ZNF718: variants seen among roughly 807,000 people sequenced by gnomAD.
The protein encoded by ZNF718 is zinc finger protein 718.
Under a neutral mutation model 2.6 loss-of-function variants are expected in ZNF718, and 3 were observed. That is an observed-to-expected ratio of 1.16 (90% CI 0.53 to 3.01). The LOEUF (loss-of-function observed/expected upper bound fraction) is 3.01. ZNF718 is among the 30% of genes most tolerant of loss of function. The pLI, the probability that ZNF718 is intolerant of heterozygous loss-of-function variation, is 0.03. For missense variants in ZNF718, 468 were observed against 230.0 expected, an observed-to-expected ratio of 2.03 and a Z score of -6.69; for synonymous variants, 135 against 77.9, an observed-to-expected ratio of 1.73 and a Z score of -3.86.
intron 3 of ZNF718, among the ~76,000 whole-genome samples, chr4:148,269 A>G (rs573323122): frequency 6.6e-6 from 1 of 152,132 alleles, no homozygotes; most frequent in East Asian, 1.9e-4. Context: ...CTGCCCCTGG[A>G]CTTTGGTTGC....
At chr4:200,646 A>T (rs1176440384) in intron 3 of ZNF718, among the ~76,000 whole-genome samples, 2 of 152,160 alleles carry the variant, frequency 1.3e-5, no homozygotes, top group Non-Finnish European at 2.9e-5. Context: ...AACTCAGTAA[A>T]TATTATTTGG....
intron 3 of ZNF718, among the ~76,000 whole-genome samples, chr4:184,021 G>A (rs981409110): frequency 7.9e-5 from 12 of 151,958 alleles, no homozygotes; most frequent in African/African-American, 2.4e-4. Context: ...CCTGATTGCC[G>A]TGGCCACAAC....
chr4:142,836 C>T (rs559705777), intron 3 of ZNF718, among the ~76,000 whole-genome samples: 2 of 152,310 alleles, frequency 1.3e-5, no homozygotes, highest in South Asian at 4.1e-4. Flanking sequence ...AACTCTTTAT[C>T]TGGCTCATTC....
chr4:146,365 G>A (rs1272557844), intron 3 of ZNF718, among the ~76,000 whole-genome samples: 1 of 152,000 alleles, frequency 6.6e-6, no homozygotes, highest in African/African-American at 2.4e-5. Flanking sequence ...TCTCACTTCT[G>A]TGTGGCTTGC....
intron 3 of ZNF718, among the ~76,000 whole-genome samples, chr4:137,456 A>G (rs1436172802): frequency 2.0e-5 from 3 of 152,226 alleles, no homozygotes; most frequent in Non-Finnish European, 4.4e-5. Flanking sequence ...GGGCTGCATC[A>G]CTTTCTTCCC....
At position 158,892 on chromosome 4, in the gene ZNF718, C is replaced by CT. The variant is rs587673139; in HGVS notation, c.227-2007dup. On this transcript the variant is annotated intron_variant, in intron 3 of 3. Transcript: ENST00000510175. ...TTCAGTGAAAGATACTTTCTTTAGC[C>CT]TTTTTTTTTTTTTGCAAGGCAGATG... Among the ~76,000 whole-genome samples the CT allele has an allele frequency of 7.4e-3, 1,032 of 139,448 alleles. 13 individuals carry two copies. Among genetic ancestry groups the CT allele is most frequent in the African/African-American group, 0.025 (953 of 38,346 alleles). The allele number at this position is 139,448 out of a possible 152,430, so 91.5% of individuals were successfully genotyped here.
downstream of ZNF718, among the ~76,000 whole-genome samples, chr4:164,807 T>G (rs1338042660): frequency 4.6e-5 from 7 of 152,172 alleles, no homozygotes; most frequent in Non-Finnish European, 8.8e-5. Flanking sequence ...TGGGAACACT[T>G]TATAACTTAT....
chr4:184,329 C>T (rs547769988), intron 3 of ZNF718, among the ~76,000 whole-genome samples: 2 of 152,196 alleles, frequency 1.3e-5, no homozygotes, highest in South Asian at 4.1e-4. Context: ...TGTGTATGTT[C>T]AACCAACCTT....
At chr4:195,501 T>A (rs1412925798) in intron 3 of ZNF718, among the ~76,000 whole-genome samples, 2 of 152,214 alleles carry the variant, frequency 1.3e-5, no homozygotes, top group Non-Finnish European at 2.9e-5. Context: ...TTAAGGGAAT[T>A]TTCAGTGATT....
At chr4:191,319 T>C (rs1553821191) in intron 3 of ZNF718, among the ~76,000 whole-genome samples, 1 of 151,754 alleles carries the variant, frequency 6.6e-6, no homozygotes, top group African/African-American at 2.4e-5. Context: ...TGGCTAATTT[T>C]TGTATTTGTT....
chr4:149,239 T>C (rs1716210019), intron 3 of ZNF718, among the ~76,000 whole-genome samples: 1 of 152,208 alleles, frequency 6.6e-6, no homozygotes, highest in South Asian at 2.1e-4. Context: ...AGTACATGTA[T>C]TGACATGGCT....
intron 1 of ZNF718, among the ~76,000 whole-genome samples, chr4:126,557 C>T (rs1431024617): frequency 2.6e-5 from 4 of 152,130 alleles, no homozygotes; most frequent in Non-Finnish European, 4.4e-5. Flanking sequence ...TACGTCCTGT[C>T]ATGAAGATGT....
chr4:166,665 T>C (rs1321846037), downstream of ZNF718, among the ~76,000 whole-genome samples: 1 of 152,240 alleles, frequency 6.6e-6, no homozygotes, highest in Admixed American at 6.5e-5. Flanking sequence ...GAAGTGTCTT[T>C]TTATATCCTT....
chr4:158,661 C>T (rs560552314), intron 3 of ZNF718, among the ~76,000 whole-genome samples: 3 of 152,000 alleles, frequency 2.0e-5, no homozygotes, highest in African/African-American at 7.2e-5. Flanking sequence ...TTATTGATGT[C>T]ACTAATCATA....
chr4:149,508 C>A (rs1716221008), intron 3 of ZNF718, among the ~76,000 whole-genome samples: 1 of 151,770 alleles, frequency 6.6e-6, no homozygotes, highest in Non-Finnish European at 1.5e-5. Flanking sequence ...TAATTTTTTT[C>A]ACTTCTAATC....
chr4:195,233 T>C (rs929356477), intron 3 of ZNF718, among the ~76,000 whole-genome samples: 3 of 152,224 alleles, frequency 2.0e-5, no homozygotes, highest in Non-Finnish European at 4.4e-5. Flanking sequence ...AGATAGTTTT[T>C]TGATTCTGTA....
chr4:179,158 G>C (rs144611735), intron 3 of ZNF718, among the ~76,000 whole-genome samples: 1 of 152,222 alleles, frequency 6.6e-6, no homozygotes, highest in Non-Finnish European at 1.5e-5. Context: ...TTTCTTCACT[G>C]TTTGGTCATG....
intron 3 of ZNF718, among the ~76,000 whole-genome samples, chr4:173,047 A>G (rs2108810792): frequency 6.6e-6 from 1 of 152,160 alleles, no homozygotes; most frequent in East Asian, 1.9e-4. Context: ...CCATCTTAAA[A>G]AAATAAATAA....
At chr4:145,608 A>C (rs1716015617) in intron 3 of ZNF718, among the ~76,000 whole-genome samples, 4 of 152,080 alleles carry the variant, frequency 2.6e-5, no homozygotes, top group African/African-American at 4.8e-5. Flanking sequence ...GACTACAAGC[A>C]CAAGTCTGTC....
Sources: gnomAD v4.1 joint callset for allele counts (sites outside exome capture counted in the v4.1 genomes callset) on GRCh38, gnomAD v4.1.1 for gene constraint, MANE v1.5 for transcripts, NCBI Gene and HGNC (gene_info 2026-07-23, HGNC 2026-07-21) for gene names.